C1QTNF9B: variants seen among roughly 807,000 people sequenced by gnomAD.
C1QTNF9B encodes the protein C1q and TNF related 9B.
C1QTNF9B carries 9 observed loss-of-function variants against 10.1 expected under a neutral mutation model. The observed-to-expected ratio is 0.89, with a 90% confidence interval of 0.53 to 1.55. The LOEUF (loss-of-function observed/expected upper bound fraction) is 1.55, where lower values mean the gene tolerates loss of function less well. C1QTNF9B is among the 40% of genes most tolerant of loss of function. The probability of loss-of-function intolerance (pLI) is 0.00; values close to 1 mark genes in which losing one functional copy is unlikely to be tolerated. For synonymous variants in C1QTNF9B, 79 were observed against 159.9 expected, an observed-to-expected ratio of 0.49 and a Z score of 3.82; for missense variants, 196 against 414.4, an observed-to-expected ratio of 0.47 and a Z score of 4.58.
At chr13:23,897,068 C>A, upstream of C1QTNF9B, 4 of 1,576,828 alleles carry the variant, frequency 2.5e-6, no homozygotes, top group South Asian at 4.6e-5. Context: ...TGGACACAGC[C>A]TCCGTTCTGT....
chr13:23,892,498 T>C (rs1330600032), intron 2 of C1QTNF9B, among the ~76,000 whole-genome samples: 1 of 151,746 alleles, frequency 6.6e-6, no homozygotes, highest in Non-Finnish European at 1.5e-5. Flanking sequence ...CTGCAAAAAG[T>C]ACAAAAATTA....
Position 23,892,063 on chromosome 13 carries a change from T to G in C1QTNF9B, c.230-2A>C. 6.2e-7 allele frequency: 1 copy of G among 1,613,256 alleles called. No individual in the cohort carries two copies. The highest frequency in any genetic ancestry group is 8.5e-7 in the Non-Finnish European group (1 of 1,179,792). ...TTGCTTCAACTTTTCCATCTGCTCC[T>G]AAATAGAGAAAGAGCAAATAAAGAG... On this transcript the variant is annotated splice_acceptor_variant, in intron 2 of 2. Coordinates refer to ENST00000382137, the Ensembl canonical transcript of C1QTNF9B. LOFTEE classifies it high-confidence loss of function.
Position 23,896,833 on chromosome 13 carries a change from T to G in C1QTNF9B, c.154A>C (p.Lys52Gln), listed in dbSNP as rs373072992. 206 of 1,612,860 alleles carry G rather than the reference T, an allele frequency of 1.3e-4. No individual in the cohort carries two copies. Among genetic ancestry groups the G allele is most frequent in the Non-Finnish European group, 1.6e-4 (192 of 1,179,288 alleles). Reference sequence around the variant, plus strand: ...GTCAGGTGAGTACCTGCATCGCCTTTGTCACCCTTCGCTCCGTCTCGTCCA... The same window carrying G: ...GTCAGGTGAGTACCTGCATCGCCTTGGTCACCCTTCGCTCCGTCTCGTCCA... The change falls in exon 1 of 3, where the codon AAA (lysine) becomes CAA (glutamine). Residue 52 changes from lysine (K) to glutamine (Q), a missense_variant. This residue lies in a region of C1QTNF9B where 46 missense variants were observed against 64.5 expected (regional missense o/e 0.71). Coordinates refer to ENST00000382137, the Ensembl canonical transcript of C1QTNF9B.
At chr13:23,891,919 C>T (rs936471195) in exon 3 of C1QTNF9B, 1 of 1,613,898 alleles carries the variant, frequency 6.2e-7, no homozygotes, top group African/African-American at 1.3e-5. Context: ...CCTTATTCCC[C>T]TTCTGCCCCT....
At chr13:23,893,631 C>A (rs1872095029) in intron 2 of C1QTNF9B, among the ~76,000 whole-genome samples, 1 of 152,112 alleles carries the variant, frequency 6.6e-6, no homozygotes, top group Non-Finnish European at 1.5e-5. Context: ...TGCCACCATG[C>A]CTGGCTAGTT....
At position 23,894,636 on chromosome 13, in the gene C1QTNF9B, T is replaced by C. The variant is rs142659633; in HGVS notation, c.167-435A>G. The C allele has an allele frequency of 3.1e-3, 1,432 of 463,090 alleles. 20 individuals carry two copies. The highest frequency in any genetic ancestry group is 0.026 in the African/African-American group (1,310 of 50,538). The allele number at this position is 463,090 out of a possible 1,614,324, so 28.7% of individuals were successfully genotyped here. A position where few individuals can be genotyped will look rare whatever the true frequency, so the allele number is the denominator to read the frequency against. On this transcript the variant is annotated intron_variant, in intron 1 of 2. Transcript: ENST00000382137. The stretch of plus-strand genomic sequence containing the variant: ...GAGGAGAGTGGAATGGAAGATTTAC[T>C]AGGCTCCTATGAAAACACAGATGAC...
intron 1 of C1QTNF9B, 60 bp from the exon 4 acceptor site, chr13:23,894,261 A>G (rs1236145696): frequency 7.7e-7 from 1 of 1,305,760 alleles, no homozygotes; most frequent in Admixed American, 1.9e-5. Flanking sequence ...TTTTCTGGCC[A>G]TTGGTCTCCA....
At chr13:23,893,142 G>A (rs1298268226) in intron 2 of C1QTNF9B, among the ~76,000 whole-genome samples, 1 of 152,234 alleles carries the variant, frequency 6.6e-6, no homozygotes, top group East Asian at 1.9e-4. Flanking sequence ...AGACGAGCTA[G>A]TGAGCCTCGT....
chr13:23,892,662 T>A (rs2137565046), intron 2 of C1QTNF9B, among the ~76,000 whole-genome samples: 1 of 152,000 alleles, frequency 6.6e-6, no homozygotes, highest in East Asian at 1.9e-4. Flanking sequence ...CTCAAAAAAA[T>A]AAATAAAAGT....
At chr13:23,896,909 C>T (rs35159134) in exon 1 of C1QTNF9B, 351,743 of 1,609,822 alleles carry the variant, frequency 0.22, 29,718 homozygotes, top group East Asian at 0.45. Context: ...TTCCAGGGTG[C>T]CCTTGCCTGC....
exon 3 of C1QTNF9B, chr13:23,891,810 C>A: frequency 1.2e-6 from 2 of 1,613,986 alleles, no homozygotes; most frequent in Non-Finnish European, 1.7e-6. Context: ...CCCTTGGGAC[C>A]AGGCTTTCCA....
chr13:23,896,823 G>A, exon 1 of C1QTNF9B: 5 of 1,612,738 alleles, frequency 3.1e-6, no homozygotes, highest in Non-Finnish European at 4.2e-6. Context: ...GTGAGTACCT[G>A]CATCGCCTTT....
Position 23,891,359 on chromosome 13 carries a change from A to G in C1QTNF9B, c.932T>C (p.Phe311Ser), listed in dbSNP as rs143932971. The change falls in exon 3 of 3, where the codon TTC (phenylalanine) becomes TCC (serine). Residue 311 changes from phenylalanine (F) to serine (S), a missense_variant. This residue lies in a region of C1QTNF9B where 72 missense variants were observed against 87.1 expected (regional missense o/e 0.83). Transcript: ENST00000382137. ...GTCCTCATCAGCAAACAAGCCATTG[A>G]ACCTCTCTCCTCCTGTCACCTGCAG... 6.0e-5 allele frequency: 95 copies of G among 1,577,724 alleles called. 9 individuals are homozygous for G. Among genetic ancestry groups the G allele is most frequent in the Non-Finnish European group, 7.8e-5 (90 of 1,151,666 alleles).
At position 23,896,154 on chromosome 13, in the gene C1QTNF9B, A is replaced by ATC. The variant is rs748037102; in HGVS notation, c.166+666_166+667insGA. ...GTGAATCATTCTGCATAAGTCTTAG[A>ATC]TATGTGACCCTATGGTCAAGACCAG... On this transcript the variant is annotated intron_variant, in intron 1 of 2. Coordinates refer to ENST00000382137, the Ensembl canonical transcript of C1QTNF9B. Among the ~76,000 whole-genome samples the ATC allele has an allele frequency of 3.9e-5, 6 of 152,210 alleles. 1 individual carries two copies. The highest frequency in any genetic ancestry group is 8.8e-5 in the Non-Finnish European group (6 of 68,032).
chr13:23,896,066 A>G (rs1299422341), intron 1 of C1QTNF9B, among the ~76,000 whole-genome samples: 2 of 152,236 alleles, frequency 1.3e-5, no homozygotes, highest in Admixed American at 1.3e-4. Flanking sequence ...ACTTATTTGT[A>G]AAAAGGTCCA....
intron 2 of C1QTNF9B, 101 bp from the exon 5 acceptor site, chr13:23,892,162 T>G: frequency 6.9e-7 from 1 of 1,453,978 alleles, no homozygotes; most frequent in Non-Finnish European, 9.4e-7. Flanking sequence ...AACAAAGTAG[T>G]ACACAGGTTC....
At chr13:23,894,599 T>G (rs1300633579) in intron 1 of C1QTNF9B, 1 of 482,514 alleles carries the variant, frequency 2.1e-6, no homozygotes, top group South Asian at 1.5e-5. Context: ...CTGTTTCTCT[T>G]CCATTACTCT....
chr13:23,897,068 C>G, upstream of C1QTNF9B: 2 of 1,576,828 alleles, frequency 1.3e-6, no homozygotes, highest in Non-Finnish European at 1.7e-6. Flanking sequence ...TGGACACAGC[C>G]TCCGTTCTGT....
intron 2 of C1QTNF9B, among the ~76,000 whole-genome samples, chr13:23,892,533 T>G (rs1258506300): frequency 6.6e-6 from 1 of 152,116 alleles, no homozygotes; most frequent in Non-Finnish European, 1.5e-5. Context: ...CACACAATTG[T>G]AGTCCCAGAT....
Sources: allele counts gnomAD v4.1 joint callset (sites outside exome capture counted in the v4.1 genomes callset), GRCh38; gene constraint gnomAD v4.1.1; regional missense constraint gnomAD v4.1.1; transcripts MANE v1.5; gene names NCBI Gene and HGNC (gene_info 2026-07-23, HGNC 2026-07-21).